Variants in CSMD1 observed in about 807,000 individuals in gnomAD.
The protein encoded by CSMD1 is CUB and sushi domain-containing protein 1.
A neutral mutation model predicts 417.5 loss-of-function variants in CSMD1; 213 were observed. The observed-to-expected ratio is 0.51, with a 90% confidence interval of 0.46 to 0.57. CSMD1 has a LOEUF of 0.57. CSMD1 is among the 20% of genes least tolerant of loss of function. CSMD1 has a pLI of 0.00. For missense variants in CSMD1, 6,923 were observed against 4,529.7 expected, an observed-to-expected ratio of 1.53 and a Z score of -15.17; for synonymous variants, 2,862 against 1,736.8, an observed-to-expected ratio of 1.65 and a Z score of -16.11.
At chr8:4,234,164 C>T (rs1054730770) in intron 3 of CSMD1, among the ~76,000 whole-genome samples, 4 of 152,066 alleles carry the variant, frequency 2.6e-5, no homozygotes, top group African/African-American at 9.7e-5. Flanking sequence ...GCACAGATTC[C>T]CAGGAGTTAA....
intron 8 of CSMD1, among the ~76,000 whole-genome samples, 178 bp from the exon 9 acceptor site, chr8:3,586,438 T>A (rs757354535): frequency 9.8e-5 from 15 of 152,300 alleles, no homozygotes; most frequent in African/African-American, 3.4e-4. Context: ...GCAAAGGTTA[T>A]AAAATCAAAA....
intron 25 of CSMD1, among the ~76,000 whole-genome samples, chr8:3,292,696 C>G (rs1204467917): frequency 6.6e-6 from 1 of 152,114 alleles, no homozygotes; most frequent in East Asian, 1.9e-4. Flanking sequence ...TTCCTCCATC[C>G]TTTTATTTTG....
intron 5 of CSMD1, among the ~76,000 whole-genome samples, chr8:3,903,343 G>A (rs923399735): frequency 2.0e-5 from 3 of 150,652 alleles, no homozygotes; most frequent in African/African-American, 7.3e-5. Flanking sequence ...AAAAAAAAAT[G>A]TACTCAACCT....
chr8:3,422,442 C>G (rs533888691), intron 12 of CSMD1, among the ~76,000 whole-genome samples: 1 of 152,244 alleles, frequency 6.6e-6, no homozygotes, highest in South Asian at 2.1e-4. Flanking sequence ...TTGAAAGAAT[C>G]TTTCAAAAAT....
At chr8:4,984,858 G>T (rs978847174) in intron 1 of CSMD1, among the ~76,000 whole-genome samples, 1 of 152,162 alleles carries the variant, frequency 6.6e-6, no homozygotes, top group Non-Finnish European at 1.5e-5. Flanking sequence ...ACACCCCTGG[G>T]TGGAGATCTA....
intron 8 of CSMD1, among the ~76,000 whole-genome samples, chr8:3,589,583 C>G (rs1800757639): frequency 6.6e-6 from 1 of 152,094 alleles, no homozygotes; most frequent in Non-Finnish European, 1.5e-5. Flanking sequence ...AAAAATAGAA[C>G]TCCCAGTAGC....
At chr8:3,735,703 T>C (rs930909113) in intron 6 of CSMD1, among the ~76,000 whole-genome samples, 9 of 152,174 alleles carry the variant, frequency 5.9e-5, no homozygotes, top group Non-Finnish European at 1.2e-4. Context: ...AGGATTAAAT[T>C]CATGGACAAC....
At chr8:4,461,003 A>G (rs991405835) in intron 2 of CSMD1, among the ~76,000 whole-genome samples, 5 of 152,196 alleles carry the variant, frequency 3.3e-5, no homozygotes, top group African/African-American at 1.2e-4. Context: ...TATGAACACA[A>G]AAATGCTCAA....
At chr8:3,653,739 A>C (rs1189424620) in intron 7 of CSMD1, among the ~76,000 whole-genome samples, 2 of 152,198 alleles carry the variant, frequency 1.3e-5, no homozygotes, top group Non-Finnish European at 2.9e-5. Flanking sequence ...AGGACCGGCC[A>C]CATCGCATGG....
At chr8:3,994,635 T>C (rs1320635688) in intron 5 of CSMD1, among the ~76,000 whole-genome samples, 2 of 151,406 alleles carry the variant, frequency 1.3e-5, no homozygotes, top group East Asian at 3.9e-4. Flanking sequence ...AAAAAAAAAG[T>C]CAGTTTCAAC....
Position 4,471,928 on chromosome 8 carries a change from G to A in CSMD1, c.303-51863C>T, listed in dbSNP as rs543137334. On this transcript the variant is annotated intron_variant, in intron 2 of 69. Coordinates refer to ENST00000635120, the MANE Select transcript of CSMD1 (RefSeq NM_033225.6). ...GTTTCCAATGATTAGGAAATAACAG[G>A]GACTTTATAGAGGGTGCAAAACAGT... Among the ~76,000 whole-genome samples, 5 of 152,130 alleles carry A rather than the reference G, an allele frequency of 3.3e-5. No homozygotes were observed. The South Asian group carries it at 1.0e-3, about 32-fold the overall frequency.
At chr8:3,463,021 C>A (rs755684410) in intron 12 of CSMD1, among the ~76,000 whole-genome samples, 10 of 152,218 alleles carry the variant, frequency 6.6e-5, no homozygotes, top group Non-Finnish European at 1.3e-4. Flanking sequence ...AAGGCGCCAT[C>A]TATGAACCAG....
chr8:4,471,740 A>G (rs1371047481), intron 2 of CSMD1, among the ~76,000 whole-genome samples: 3 of 114,300 alleles, frequency 2.6e-5, no homozygotes, highest in Non-Finnish European at 6.5e-5. Flanking sequence ...CGCGGAGAAA[A>G]GAAGTTAGAC....
chr8:3,716,254 T>G (rs2466279), intron 6 of CSMD1, among the ~76,000 whole-genome samples: 137,889 of 152,176 alleles, frequency 0.91, 62,655 homozygotes, highest in Admixed American at 0.94. Flanking sequence ...CCCAAGAGAG[T>G]GTTCTTGAAT....
chr8:4,095,094 G>A (rs1382631411), intron 3 of CSMD1, among the ~76,000 whole-genome samples: 2 of 152,162 alleles, frequency 1.3e-5, no homozygotes, highest in Non-Finnish European at 2.9e-5. Flanking sequence ...TAACTGCAGA[G>A]GAAACAAAGT....
At chr8:2,978,401 C>T (rs1019908701) in intron 55 of CSMD1, among the ~76,000 whole-genome samples, 1 of 152,180 alleles carries the variant, frequency 6.6e-6, no homozygotes, top group Non-Finnish European at 1.5e-5. Context: ...CCTGAGCATA[C>T]CAGCATCCCC....
At chr8:4,767,203 C>G (rs1160787563) in intron 1 of CSMD1, among the ~76,000 whole-genome samples, 2 of 152,078 alleles carry the variant, frequency 1.3e-5, no homozygotes, top group Non-Finnish European at 1.5e-5. Context: ...TATTGAAGGC[C>G]ATAATTTGCA....
rs562708676 is a variant in CSMD1, at chr8:4,023,397, G to C, written c.610+8508C>G. On this transcript the variant is annotated intron_variant, in intron 4 of 69. Coordinates refer to ENST00000635120, the MANE Select transcript of CSMD1 (RefSeq NM_033225.6). The stretch of plus-strand genomic sequence containing the variant: ...GCCCTGGTCCAAATGTGAAACAAAA[G>C]TAATTCCAATTTCATTATGAATAAT... Among the ~76,000 whole-genome samples, 55 of 152,214 alleles carry C rather than the reference G, an allele frequency of 3.6e-4. 2 individuals are homozygous for C. In the Middle Eastern group the frequency reaches 0.02, roughly 56 times the overall value.
chr8:4,261,279 T>C (rs1441983812), intron 3 of CSMD1, among the ~76,000 whole-genome samples: 1 of 152,118 alleles, frequency 6.6e-6, no homozygotes, highest in African/African-American at 2.4e-5. Flanking sequence ...TCTCTTTCCT[T>C]TTTGTTTCTA....
Sources: gnomAD v4.1 joint callset for allele counts (sites outside exome capture counted in the v4.1 genomes callset) on GRCh38, gnomAD v4.1.1 for gene constraint, MANE v1.5 for transcripts, NCBI Gene and HGNC (gene_info 2026-07-23, HGNC 2026-07-21) for gene names.